Variants in SERPINB5 observed in about 807,000 individuals in gnomAD.
SERPINB5 encodes the protein serpin family B member 5, also known as serpin B5.
Under a neutral mutation model 32.2 loss-of-function variants are expected in SERPINB5, and 27 were observed. The observed-to-expected ratio is 0.84, with a 90% CI of 0.62 to 1.16. The LOEUF is 1.16. Ranked by LOEUF, SERPINB5 falls within the 50% of genes most tolerant of loss-of-function variation. The pLI is 0.00. For synonymous variants in SERPINB5, 154 were observed against 157.4 expected, an observed-to-expected ratio of 0.98 and a Z score of 0.16; for missense variants, 388 against 436.3, an observed-to-expected ratio of 0.89 and a Z score of 0.99.
rs1163792809 is a variant in SERPINB5, at chr18:63,503,700, T to C, written c.1106T>C (p.Phe369Ser). The change falls in exon 7 of 7, where the codon TTT (phenylalanine) becomes TCT (serine). Residue 369 changes from phenylalanine (F) to serine (S), a missense_variant. Transcript: ENST00000382771. ...RHNKTRNIIF[F>S]GKFCSP ...AACAAAACTCGAAACATTATTTTCT[T>C]TGGCAAATTCTGTTCTCCTTAAGTG... is the stretch of plus-strand genomic sequence containing the variant. The C allele has an allele frequency of 6.2e-7, 1 of 1,614,186 alleles. No homozygotes were observed. The highest frequency in any genetic ancestry group is 1.1e-5 in the South Asian group (1 of 91,078).
rs1909617554 is a variant in SERPINB5 at position 63,503,633 on chromosome 18, G to T, written c.1039G>T (p.Glu347Ter). ...PGARILQHKD[E>*]LNADHPFIYI... Reference sequence around the variant, plus strand: ...AGCACGGATCCTGCAGCACAAGGATGAATTGAATGCTGACCATCCCTTTAT... The same window carrying T: ...AGCACGGATCCTGCAGCACAAGGATTAATTGAATGCTGACCATCCCTTTAT... Residue 347 changes from glutamate to a stop codon, truncating the protein, a stop_gained, in exon 7 of 7, where the codon GAA becomes TAA. Coordinates refer to ENST00000382771, the MANE Select transcript of SERPINB5 (RefSeq NM_002639.5). LOFTEE classifies it high-confidence loss of function. 2 of 1,614,076 alleles carry T rather than the reference G, an allele frequency of 1.2e-6. No homozygotes were observed. The highest frequency in any genetic ancestry group is 1.1e-5 in the South Asian group (1 of 91,088).
intron 6 of SERPINB5, among the ~76,000 whole-genome samples, chr18:63,499,997 C>CTATTATTAT (rs71162648): frequency 2.0e-5 from 3 of 149,678 alleles, no homozygotes; most frequent in African/African-American, 2.5e-5. Context: ...TGACATATTA[C>CTATTATTAT]TATTATTATT....
chr18:63,486,736 C>A, intron 2 of SERPINB5: 1 of 426,932 alleles, frequency 2.3e-6, no homozygotes, highest in Non-Finnish European at 4.2e-6. Flanking sequence ...GTCAGCGATG[C>A]TGCTAAGCAT....
chr18:63,477,840 A>G (rs1568106694), intron 1 of SERPINB5, among the ~76,000 whole-genome samples: 1 of 152,190 alleles, frequency 6.6e-6, no homozygotes, highest in Non-Finnish European at 1.5e-5. Context: ...GCTCTTAGAC[A>G]TATTTCAGCC....
At chr18:63,495,120 T>A (rs1909422060) in intron 5 of SERPINB5, among the ~76,000 whole-genome samples, 1 of 152,180 alleles carries the variant, frequency 6.6e-6, no homozygotes, top group Admixed American at 6.5e-5. Context: ...CCTCCTAACT[T>A]CCTGAGTTTA....
chr18:63,482,435 T>C (rs892432005), intron 1 of SERPINB5, among the ~76,000 whole-genome samples: 5 of 152,178 alleles, frequency 3.3e-5, no homozygotes, highest in Non-Finnish European at 7.4e-5. Context: ...CCTGAGGCTT[T>C]GGGGGAACAC....
In SERPINB5 at chr18:63,503,377, C is replaced by T; in HGVS notation, c.783C>T (p.Pro261=). The T allele has an allele frequency of 4.3e-6, 7 of 1,614,204 alleles. No homozygotes were observed. The highest frequency in any genetic ancestry group is 5.9e-6 in the Non-Finnish European group (7 of 1,180,028). The change falls in exon 7 of 7, where the codon CCC becomes CCT. Residue 261 remains proline, a synonymous_variant. Transcript: ENST00000382771. Reference sequence around the variant, plus strand: ...AGTCACTGTCACAGTGGACTAATCCCAGCACCATGGCCAATGCCAAGGTCA... The same window carrying T: ...AGTCACTGTCACAGTGGACTAATCCTAGCACCATGGCCAATGCCAAGGTCA... ...NSESLSQWTN[P]STMANAKVKL... is the part of the protein sequence containing the mutation.
At chr18:63,480,891 G>A (rs1917116545) in intron 1 of SERPINB5, among the ~76,000 whole-genome samples, 1 of 152,178 alleles carries the variant, frequency 6.6e-6, no homozygotes, top group East Asian at 1.9e-4. Context: ...TGGGACCCCA[G>A]ATACTAAGGG....
chr18:63,490,447 C>T (rs1000858509), intron 4 of SERPINB5, among the ~76,000 whole-genome samples: 3 of 152,110 alleles, frequency 2.0e-5, no homozygotes, highest in East Asian at 1.9e-4. Context: ...GACTTTGTCC[C>T]CCTCCCCAGT....
rs186984065 is a variant in SERPINB5 at position 63,499,912 on chromosome 18, C to G, written c.735+625C>G. On this transcript the variant is annotated intron_variant, in intron 6 of 6. Coordinates refer to ENST00000382771, the MANE Select transcript of SERPINB5 (RefSeq NM_002639.5). ...GTTCCCATATACTCCCCTTCCCGTC[C>G]CAGGCCTACAGTTTCACCTGTTATT... Among the ~76,000 whole-genome samples, 8 of 152,132 alleles carry G rather than the reference C, an allele frequency of 5.3e-5. No homozygotes were observed. In the East Asian group the frequency reaches 1.5e-3, roughly 29 times the overall value.
At chr18:63,494,869 T>C (rs1396920646) in intron 5 of SERPINB5, among the ~76,000 whole-genome samples, 1 of 152,202 alleles carries the variant, frequency 6.6e-6, no homozygotes, top group East Asian at 1.9e-4. Flanking sequence ...TGTCTACAAT[T>C]TCTGGCCAAG....
rs928403837 is a variant in SERPINB5, at chr18:63,504,305, C to T, written c.*583C>T. 6.5e-6 allele frequency: 1 copy of T among 153,550 alleles called. No individual in the cohort carries two copies. Among genetic ancestry groups the T allele is most frequent in the African/African-American group, 2.4e-5 (1 of 41,452 alleles). The allele number at this position is 153,550 out of a possible 1,614,324, so 9.5% of individuals were successfully genotyped here. The stretch of plus-strand genomic sequence containing the variant: ...GGGATTTTCAAAAGATAATATTTTA[C>T]ATACACTGTATGTTATAGAACTTCA... On this transcript the variant is annotated 3_prime_UTR_variant, in exon 7 of 7. Transcript: ENST00000382771.
At position 63,504,805 on chromosome 18, in the gene SERPINB5, C is replaced by T. The variant is rs963132282; in HGVS notation, c.*1083C>T. ...ATAAGTAAAGTGATTAAAGTGCTCACGTTACCTTGACACATAGTTTTTCAG... is the reference window on the plus strand; with the variant it reads ...ATAAGTAAAGTGATTAAAGTGCTCATGTTACCTTGACACATAGTTTTTCAG... On this transcript the variant is annotated 3_prime_UTR_variant, in exon 7 of 7. Coordinates refer to ENST00000382771, the MANE Select transcript of SERPINB5 (RefSeq NM_002639.5). The T allele has an allele frequency of 6.6e-6, 1 of 152,140 alleles. No individual in the cohort carries two copies. The highest frequency in any genetic ancestry group is 2.4e-5 in the African/African-American group (1 of 41,420). The allele number at this position is 152,140 out of a possible 1,614,324, so 9.4% of individuals were successfully genotyped here.
intron 6 of SERPINB5, among the ~76,000 whole-genome samples, chr18:63,501,414 G>A (rs1306931320): frequency 1.3e-5 from 2 of 152,024 alleles, no homozygotes; most frequent in East Asian, 3.8e-4. Flanking sequence ...TGGTGTATAT[G>A]GGCCACGTTT....
chr18:63,478,755 G>A (rs532677128), intron 1 of SERPINB5, among the ~76,000 whole-genome samples: 5 of 120,220 alleles, frequency 4.2e-5, no homozygotes, highest in Admixed American at 3.6e-4. Flanking sequence ...CAGTAAAAAC[G>A]TAGTTTTTTT....
intron 6 of SERPINB5, among the ~76,000 whole-genome samples, chr18:63,499,638 G>T (rs1181195737): frequency 6.6e-6 from 1 of 152,134 alleles, no homozygotes; most frequent in South Asian, 2.1e-4. Flanking sequence ...TACATAATTA[G>T]TCAAGGGTGT....
rs200105099 is a variant in SERPINB5 at position 63,496,135 on chromosome 18, C to T, written c.568-2985C>T. On this transcript the variant is annotated intron_variant, in intron 5 of 6. Transcript: ENST00000382771. ...TTGGTCCTCTTTTCAGAAGATATGT[C>T]GTCTCAACATGTGTTTCAGAAAATA... 1.8e-4 allele frequency among the ~76,000 whole-genome samples: 6 copies of T among 32,692 alleles called. No homozygotes were observed. In the East Asian group the frequency reaches 3.5e-3, roughly 19 times the overall value. The allele number at this position is 32,692 out of a possible 152,430, so 21.4% of individuals were successfully genotyped here.
In SERPINB5 at chr18:63,500,367, C is replaced by G. The variant is rs567525352; in HGVS notation, c.735+1080C>G. ...CATGAGCCACCACACCTGGCCTTCACAATTTACGTTACGGTTCACTCTTTG... is the reference window on the plus strand; with the variant it reads ...CATGAGCCACCACACCTGGCCTTCAGAATTTACGTTACGGTTCACTCTTTG... On this transcript the variant is annotated intron_variant, in intron 6 of 6. Transcript: ENST00000382771. Among the ~76,000 whole-genome samples, 10 of 152,102 alleles carry G rather than the reference C, an allele frequency of 6.6e-5. No individual in the cohort carries two copies. In the South Asian group the frequency reaches 2.1e-3, roughly 32 times the overall value.
chr18:63,497,537 CA>C (rs1241286868), intron 5 of SERPINB5: 3 of 415,286 alleles, frequency 7.2e-6, no homozygotes, highest in African/African-American at 2.1e-5. Context: ...CAGTGGAGCT[CA>C]AAGGGACTTA....
Sources: allele counts gnomAD v4.1 joint callset (sites outside exome capture counted in the v4.1 genomes callset), GRCh38; gene constraint gnomAD v4.1.1; transcripts MANE v1.5; gene names NCBI Gene and HGNC (gene_info 2026-07-23, HGNC 2026-07-21).